IL1RAP: variants seen among roughly 807,000 people sequenced by gnomAD.
The protein encoded by IL1RAP is interleukin 1 receptor accessory protein, also known as interleukin-1 receptor accessory protein.
IL1RAP carries 35 observed loss-of-function variants against 60.7 expected under a neutral mutation model. The ratio of observed to expected loss-of-function variants is 0.58; its 90% CI spans 0.44 to 0.76. IL1RAP has a LOEUF of 0.76. Ranked by LOEUF, IL1RAP falls within the 30% of genes least tolerant of loss-of-function variation. IL1RAP has a pLI of 0.00. For missense variants in IL1RAP, 572 were observed against 693.9 expected, an observed-to-expected ratio of 0.82 and a Z score of 1.97; for synonymous variants, 268 against 250.9, an observed-to-expected ratio of 1.07 and a Z score of -0.64.
intron 8 of IL1RAP, 148 bp downstream of exon 8, chr3:190,627,597 C>G: frequency 9.8e-7 from 1 of 1,016,496 alleles, no homozygotes. Context: ...TTGGTGATTG[C>G]ATCCCAAACC....
chr3:190,520,852 C>G (rs1383577007), intron 1 of IL1RAP, among the ~76,000 whole-genome samples: 2 of 152,134 alleles, frequency 1.3e-5, no homozygotes, highest in African/African-American at 4.8e-5. Flanking sequence ...ATTTTATAAG[C>G]ATTATGTCTG....
chr3:190,579,699 A>C (rs1466273891), intron 3 of IL1RAP, among the ~76,000 whole-genome samples: 1 of 152,118 alleles, frequency 6.6e-6, no homozygotes, highest in East Asian at 1.9e-4. Flanking sequence ...CATCACCCCA[A>C]AACGAAGCCC....
intron 2 of IL1RAP, among the ~76,000 whole-genome samples, chr3:190,563,782 C>G (rs1265171830): frequency 2.0e-5 from 3 of 152,096 alleles, no homozygotes; most frequent in Non-Finnish European, 4.4e-5. Flanking sequence ...GGAAAAGTAC[C>G]TGGATTGTAA....
At position 190,618,133 on chromosome 3, in the gene IL1RAP, CT is replaced by C. The variant is rs111704728; in HGVS notation, c.538-2141del. On this transcript the variant is annotated intron_variant, in intron 5 of 11. Transcript: ENST00000447382. ...CTCCAGGGATGGCACAGGTTCAGGG[CT>C]GCTATATGGAATGAAGAGACACTAT... Among the ~76,000 whole-genome samples, 332 of 152,260 alleles carry C rather than the reference CT, an allele frequency of 2.2e-3. 3 individuals are homozygous for C. Among genetic ancestry groups the C allele is most frequent in the African/African-American group, 7.7e-3 (318 of 41,556 alleles).
chr3:190,658,895 C>G (rs951514643), exon 12 of IL1RAP: 1 of 152,186 alleles, frequency 6.6e-6, no homozygotes, highest in African/African-American at 2.4e-5. Flanking sequence ...ACAGGCCACC[C>G]TAACTAAATA....
intron 1 of IL1RAP, among the ~76,000 whole-genome samples, chr3:190,542,611 A>G (rs1560153204): frequency 6.6e-6 from 1 of 152,118 alleles, no homozygotes; most frequent in Non-Finnish European, 1.5e-5. Context: ...TTCTACACAC[A>G]TACTCCTGTC....
downstream of IL1RAP, chr3:190,656,096 C>G: frequency 1.3e-6 from 2 of 1,537,312 alleles, no homozygotes; most frequent in Non-Finnish European, 1.7e-6. Context: ...CTCAAAGAGT[C>G]TGTGTCTTTT....
Position 190,604,550 on chromosome 3 carries a change from T to C in IL1RAP, c.350+137T>C, listed in dbSNP as rs1730135670. On this transcript the variant is annotated intron_variant, in intron 4 of 11. Coordinates refer to ENST00000447382, the MANE Select transcript of IL1RAP (RefSeq NM_002182.4). ...TTTAGTGAGGTAATTGTCTGCAGCT[T>C]AGCTGAAGGGGTCTGAAGGAGGTAT... 4.4e-6 allele frequency: 4 copies of C among 903,290 alleles called. No homozygotes were observed. In the South Asian group the frequency reaches 7.0e-5, roughly 16 times the overall value. 56.0% of individuals were successfully genotyped at this position (903,290 alleles called of 1,614,324 possible).
intron 9 of IL1RAP, chr3:190,642,622 C>T (rs1283992437): frequency 2.0e-5 from 3 of 152,208 alleles, no homozygotes; most frequent in Non-Finnish European, 4.4e-5. Flanking sequence ...AGTACACCGC[C>T]CTTGCCCCAG....
intron 5 of IL1RAP, among the ~76,000 whole-genome samples, chr3:190,612,639 G>T (rs1470514417): frequency 6.6e-6 from 1 of 151,930 alleles, no homozygotes; most frequent in Non-Finnish European, 1.5e-5. Flanking sequence ...ACTATGGTTT[G>T]ACTTAAGATT....
exon 12 of IL1RAP, chr3:190,658,827 G>T (rs576728041): frequency 6.6e-6 from 1 of 152,186 alleles, no homozygotes; most frequent in South Asian, 2.1e-4. Context: ...AAAGATGGGG[G>T]AACAAGGGCC....
At chr3:190,530,318 G>A (rs1386221644) in intron 1 of IL1RAP, among the ~76,000 whole-genome samples, 1 of 152,164 alleles carries the variant, frequency 6.6e-6, no homozygotes, top group East Asian at 1.9e-4. Flanking sequence ...TCTCGAGTAA[G>A]GGAGGGGCAT....
chr3:190,637,604 C>G (rs879072724), intron 9 of IL1RAP, among the ~76,000 whole-genome samples: 1 of 152,018 alleles, frequency 6.6e-6, no homozygotes, highest in Admixed American at 6.6e-5. Flanking sequence ...TTGTAGGTTT[C>G]TTTTCTAGGT....
At chr3:190,640,275 G>C (rs923426937) in intron 9 of IL1RAP, among the ~76,000 whole-genome samples, 15 of 152,208 alleles carry the variant, frequency 9.9e-5, no homozygotes, top group Middle Eastern at 3.4e-3. Flanking sequence ...TTCTCTCACA[G>C]ATCACATTCC....
At chr3:190,553,109 T>C (rs1345130996) in intron 1 of IL1RAP, among the ~76,000 whole-genome samples, 1 of 152,152 alleles carries the variant, frequency 6.6e-6, no homozygotes, top group African/African-American at 2.4e-5. Context: ...AAGCCAGGAT[T>C]GAATCCCGGC....
At chr3:190,570,178 G>T (rs532465396) in intron 3 of IL1RAP, among the ~76,000 whole-genome samples, 124 of 152,254 alleles carry the variant, frequency 8.1e-4, no homozygotes, top group Non-Finnish European at 1.5e-3. Flanking sequence ...GTGAGAAAAT[G>T]GATACATTTA....
intron 3 of IL1RAP, among the ~76,000 whole-genome samples, chr3:190,575,205 T>C (rs552555642): frequency 2.0e-5 from 3 of 152,330 alleles, no homozygotes; most frequent in South Asian, 2.1e-4. Context: ...GCACCTGTTA[T>C]GTGCAGACCT....
At chr3:190,651,872 G>C (rs1734417633), downstream of IL1RAP, among the ~76,000 whole-genome samples, 2 of 151,996 alleles carry the variant, frequency 1.3e-5, no homozygotes, top group South Asian at 4.1e-4. Flanking sequence ...CAGAGAAAAA[G>C]GAGAGAAAGA....
At chr3:190,591,606 G>A (rs753511734) in intron 3 of IL1RAP, among the ~76,000 whole-genome samples, 1 of 151,980 alleles carries the variant, frequency 6.6e-6, no homozygotes, top group Non-Finnish European at 1.5e-5. Flanking sequence ...TATTTCATGC[G>A]CTGTCAGTCT....
Sources: gnomAD v4.1 joint callset for allele counts (sites outside exome capture counted in the v4.1 genomes callset) on GRCh38, gnomAD v4.1.1 for gene constraint, MANE v1.5 for transcripts, NCBI Gene and HGNC (gene_info 2026-07-23, HGNC 2026-07-21) for gene names.